Variants in ATP7B observed in about 807,000 individuals in gnomAD.
The protein encoded by ATP7B is copper-transporting ATPase 2.
Under a neutral mutation model 118.9 loss-of-function variants are expected in ATP7B, and 113 were observed. That is an observed-to-expected ratio of 0.95 (90% CI 0.82 to 1.11). The LOEUF (loss-of-function observed/expected upper bound fraction) is 1.11, where lower values mean the gene tolerates loss of function less well. ATP7B is among the 50% of genes most tolerant of loss of function. ATP7B has a pLI of 0.00. For missense variants in ATP7B, 1,867 were observed against 1,871.4 expected (o/e 1.00, Z 0.04); for synonymous variants, 777 against 727.4 (o/e 1.07, Z -1.10).
chr13:52,010,330 G>A (rs1488076444), intron 1 of ATP7B, among the ~76,000 whole-genome samples: 4 of 152,178 alleles, frequency 2.6e-5, no homozygotes, highest in African/African-American at 9.7e-5. Flanking sequence ...TCAGAAATCT[G>A]TGGAAAAGAA....
Position 51,963,736 on chromosome 13 carries a change from CA to C in ATP7B, c.1869+1135del, listed in dbSNP as rs933334832. ...GGGGGACAAGAGCGAGACCACGTCT[CA>C]AAAAAAAAAAAAAAAAAAAAAACTC... On this transcript the variant is annotated intron_variant, in intron 5 of 20. Coordinates refer to ENST00000242839, the MANE Select transcript of ATP7B (RefSeq NM_000053.4). Among the ~76,000 whole-genome samples the C allele has an allele frequency of 9.4e-3, 387 of 41,166 alleles. 1 individual carries two copies. Among genetic ancestry groups the C allele is most frequent in the South Asian group, 0.043 (56 of 1,290 alleles). The allele number at this position is 41,166 out of a possible 152,430, so 27.0% of individuals were successfully genotyped here. A position where few individuals can be genotyped will look rare whatever the true frequency, so the allele number is the denominator to read the frequency against.
chr13:51,934,730 T>A lies in ATP7B; in HGVS notation c.*26A>T. The A allele has an allele frequency of 6.2e-7, 1 of 1,611,446 alleles. No individual in the cohort carries two copies. The highest frequency in any genetic ancestry group is 1.7e-5 in the Admixed American group (1 of 60,030). On this transcript the variant is annotated 3_prime_UTR_variant, in exon 21 of 21. Transcript: ENST00000242839. ...CTTGTGGTGAGTGGAGGCAAGTCCC[T>A]GCCCCGGCCCGCCTGCCTGAAGTCA...
chr13:51,961,841 T>C lies in ATP7B; in HGVS notation c.1942A>G (p.Lys648Glu). The C allele has an allele frequency of 6.2e-7, 1 of 1,613,736 alleles. No homozygotes were observed. The highest frequency in any genetic ancestry group is 8.5e-7 in the Non-Finnish European group (1 of 1,179,650). The part of the protein sequence containing the change: ...AHHLDHKMEI[K>E]QWKKSFLCSL... ...TATCTTTTGTGTTCTACCTACTGCT[T>C]TATTTCCATCTTGTGGTCCAAGTGA... Residue 648 changes from lysine to glutamate, a missense_variant, in exon 6 of 21, where the codon AAG becomes GAG. By Grantham distance (56) the Lys-to-Glu change is moderately conservative. Transcript: ENST00000242839.
chr13:52,010,597 G>A (rs1485430183), intron 1 of ATP7B, among the ~76,000 whole-genome samples: 1 of 152,206 alleles, frequency 6.6e-6, no homozygotes. Context: ...TGCACATACA[G>A]TGATCTCATT....
At chr13:51,943,948 T>C (rs916916878) in intron 14 of ATP7B, among the ~76,000 whole-genome samples, 161 bp downstream of exon 14, 3 of 151,426 alleles carry the variant, frequency 2.0e-5, no homozygotes, top group Non-Finnish European at 4.4e-5. Context: ...TGGCAAGGGC[T>C]GACTGTGAGC....
At chr13:51,947,857 T>C (rs1957762529) in intron 12 of ATP7B, 1 of 152,218 alleles carries the variant, frequency 6.6e-6, no homozygotes, top group African/African-American at 2.4e-5. Flanking sequence ...GTACCTCATT[T>C]GCCAGCATCC....
intron 1 of ATP7B, among the ~76,000 whole-genome samples, chr13:51,993,747 G>C (rs966551581): frequency 1.3e-5 from 2 of 152,182 alleles, no homozygotes; most frequent in South Asian, 4.1e-4. Flanking sequence ...GCATTTGCAT[G>C]ATAATCTACA....
intron 1 of ATP7B, among the ~76,000 whole-genome samples, chr13:52,010,570 A>G (rs191274317): frequency 2.6e-5 from 4 of 152,166 alleles, no homozygotes; most frequent in South Asian, 4.1e-4. Flanking sequence ...ATATATCGTT[A>G]AACTGAAAAA....
At chr13:51,986,409 T>C (rs1045655778) in intron 1 of ATP7B, among the ~76,000 whole-genome samples, 1 of 152,124 alleles carries the variant, frequency 6.6e-6, no homozygotes, top group African/African-American at 2.4e-5. Context: ...GTTCTGAAAT[T>C]GAGGGAGTAA....
rs60003608 is a variant in ATP7B at position 51,946,445 on chromosome 13, T to C, written c.2899A>G (p.Ile967Val). ...PNKHISQTEV[I>V]IRFAFQTSIT... ...GACGTCTGGAAAGCAAACCGGATGA[T>C]CACCTCTGTCTGGGAGATGTGCTTG... is the stretch of plus-strand genomic sequence containing the variant. The change falls in exon 13 of 21, where the codon ATC becomes GTC. Residue 967 changes from isoleucine to valine, a missense_variant. Physicochemically the swap from Ile to Val is conservative, Grantham distance 29. Transcript: ENST00000242839. 6.8e-6 allele frequency: 11 copies of C among 1,614,084 alleles called. No individual in the cohort carries two copies. Among genetic ancestry groups the C allele is most frequent in the Non-Finnish European group, 9.3e-6 (11 of 1,180,046 alleles).
rs1364195925 is a variant in ATP7B at position 51,933,898 on chromosome 13, A to G, written c.*858T>C. 6.6e-6 allele frequency: 1 copy of G among 152,076 alleles called. No individual in the cohort carries two copies. 9.4% of individuals were successfully genotyped at this position (152,076 alleles called of 1,614,324 possible). ...GACGTCCTGAATCGCGAGAACCTACACCCCACAGGAAGCCGAGTACGGACT... is the reference window on the plus strand; with the variant it reads ...GACGTCCTGAATCGCGAGAACCTACGCCCCACAGGAAGCCGAGTACGGACT... On this transcript the variant is annotated 3_prime_UTR_variant, in exon 21 of 21. Coordinates refer to ENST00000242839, the MANE Select transcript of ATP7B (RefSeq NM_000053.4).
At chr13:51,968,103 G>A (rs888170200) in intron 4 of ATP7B, among the ~76,000 whole-genome samples, 2 of 152,108 alleles carry the variant, frequency 1.3e-5, no homozygotes, top group African/African-American at 4.8e-5. Flanking sequence ...AGGCTTGAAG[G>A]ACTGTGTTCA....
In ATP7B at chr13:51,974,826, A is replaced by G; in HGVS notation, c.394T>C (p.Ser132Pro). 6.2e-7 allele frequency: 1 copy of G among 1,614,180 alleles called. No homozygotes were observed. The highest frequency in any genetic ancestry group is 8.5e-7 in the Non-Finnish European group (1 of 1,180,028). The change falls in exon 2 of 21, where the codon TCC becomes CCC. Residue 132 changes from serine to proline, a missense_variant. Coordinates refer to ENST00000242839, the MANE Select transcript of ATP7B (RefSeq NM_000053.4). ...EASIAEGKAA[S>P]WPSRSLPAQE... is the part of the protein sequence containing the mutation. Reference sequence around the variant, plus strand: ...GCAGGCAAGGACCTTGAGGGCCAGGAGGCTGCCTTTCCTTCTGCAATGCTG... The same window carrying G: ...GCAGGCAAGGACCTTGAGGGCCAGGGGGCTGCCTTTCCTTCTGCAATGCTG...
intron 1 of ATP7B, among the ~76,000 whole-genome samples, chr13:52,004,546 A>G (rs997918420): frequency 6.6e-6 from 1 of 152,258 alleles, no homozygotes; most frequent in Admixed American, 6.5e-5. Flanking sequence ...CTCTAACTAG[A>G]GACTTCATCA....
chr13:51,945,350 G>C (rs1436690519), intron 13 of ATP7B, among the ~76,000 whole-genome samples: 1 of 152,184 alleles, frequency 6.6e-6, no homozygotes, highest in Non-Finnish European at 1.5e-5. Context: ...TCATTCAACA[G>C]ATAACTTCTG....
Position 51,961,835 on chromosome 13 carries a change from AC to A in ATP7B, c.1946+1del, listed in dbSNP as rs1958764803. On this transcript the variant is annotated splice_donor_variant, in intron 6 of 20. Transcript: ENST00000242839. LOFTEE classifies it high-confidence loss of function. ...GGAGTTTATCTTTTGTGTTCTACCT[AC>A]TGCTTTATTTCCATCTTGTGGTCCA... 6.2e-7 allele frequency: 1 copy of A among 1,613,060 alleles called. No homozygotes were observed. Among genetic ancestry groups the A allele is most frequent in the South Asian group, 1.1e-5 (1 of 91,068 alleles).
At position 51,951,204 on chromosome 13, in the gene ATP7B, T is replaced by C. The variant is rs74085899; in HGVS notation, c.2448-805A>G. Reference sequence around the variant, plus strand: ...AGAGAGGGAGAAGAAATACACAGCATATTCTTAGATCATGTGTTAACAAGA... The same window carrying C: ...AGAGAGGGAGAAGAAATACACAGCACATTCTTAGATCATGTGTTAACAAGA... On this transcript the variant is annotated intron_variant, in intron 9 of 20. Coordinates refer to ENST00000242839, the MANE Select transcript of ATP7B (RefSeq NM_000053.4). Among the ~76,000 whole-genome samples, 439 of 152,148 alleles carry C rather than the reference T, an allele frequency of 2.9e-3. 1 individual carries two copies. Among genetic ancestry groups the C allele is most frequent in the African/African-American group, 0.01 (426 of 41,500 alleles).
intron 15 of ATP7B, among the ~76,000 whole-genome samples, chr13:51,941,876 T>A (rs901758440): frequency 6.6e-6 from 1 of 152,188 alleles, no homozygotes; most frequent in East Asian, 1.9e-4. Context: ...GTCACAGATT[T>A]TGAGTGTTTT....
intron 2 of ATP7B, 31 bp downstream of exon 2, chr13:51,973,904 G>C: frequency 6.2e-7 from 1 of 1,614,072 alleles, no homozygotes; most frequent in Non-Finnish European, 8.5e-7. Flanking sequence ...AAGGAGACAA[G>C]CTCAGGACAT....
Sources: allele counts gnomAD v4.1 joint callset (sites outside exome capture counted in the v4.1 genomes callset), GRCh38; gene constraint gnomAD v4.1.1; transcripts MANE v1.5; gene names NCBI Gene and HGNC (gene_info 2026-07-23, HGNC 2026-07-21).